The following SGCZ variants were observed in gnomAD, a reference collection of about 807,000 sequenced individuals.
SGCZ encodes sarcoglycan zeta, also known as zeta-sarcoglycan.
In SGCZ, 40 loss-of-function variants were observed where a neutral mutation model predicts 41.3. The observed-to-expected ratio is 0.97, with a 90% confidence interval of 0.75 to 1.26. SGCZ has a LOEUF of 1.26. Among genes scored for constraint, SGCZ ranks in the 50% most tolerant of loss-of-function variants. The pLI, the probability that SGCZ is intolerant of heterozygous loss-of-function variation, is 0.00. For synonymous variants in SGCZ, 206 were observed against 137.5 expected (o/e 1.50, Z -3.49); for missense variants, 552 against 369.8 (o/e 1.49, Z -4.04).
At chr8:14,947,290 C>A (rs1192847319) in intron 1 of SGCZ, among the ~76,000 whole-genome samples, 3 of 152,152 alleles carry the variant, frequency 2.0e-5, no homozygotes, top group African/African-American at 7.2e-5. Flanking sequence ...TGAGGTAAAT[C>A]TCTGGATTTG....
chr8:14,627,273 T>C (rs896969106), intron 1 of SGCZ, among the ~76,000 whole-genome samples: 1 of 152,062 alleles, frequency 6.6e-6, no homozygotes, highest in Non-Finnish European at 1.5e-5. Flanking sequence ...CTTCTGTGGG[T>C]AAAATAACAA....
At chr8:14,760,263 C>G (rs1235904392) in intron 1 of SGCZ, among the ~76,000 whole-genome samples, 1 of 152,140 alleles carries the variant, frequency 6.6e-6, no homozygotes, top group Non-Finnish European at 1.5e-5. Context: ...TTAACAACCA[C>G]TAAGTAAATG....
chr8:15,197,450 A>T (rs1800765608), intron 1 of SGCZ, among the ~76,000 whole-genome samples: 1 of 152,226 alleles, frequency 6.6e-6, no homozygotes, highest in South Asian at 2.1e-4. Context: ...AATTCAAAGC[A>T]TAATATCATG....
In SGCZ at chr8:15,200,032, T is replaced by G. The variant is rs117238169; in HGVS notation, c.39+37553A>C. Among the ~76,000 whole-genome samples, 1,139 of 152,326 alleles carry G rather than the reference T, an allele frequency of 7.5e-3. 11 individuals carry two copies. The highest frequency in any genetic ancestry group is 0.015 in the Admixed American group (230 of 15,294). On this transcript the variant is annotated intron_variant, in intron 1 of 7. Coordinates refer to ENST00000382080, the MANE Select transcript of SGCZ (RefSeq NM_139167.4). ...TCTATACTTTCTTGTTTCTTGGTTT[T>G]AAAGGACCAAAGTTAGGTATACGAA...
chr8:14,661,751 G>A (rs190704270), intron 1 of SGCZ, among the ~76,000 whole-genome samples: 1 of 151,964 alleles, frequency 6.6e-6, no homozygotes, highest in Admixed American at 6.6e-5. Flanking sequence ...AACAATGAAT[G>A]GGAGAAGAAA....
At chr8:14,225,928 T>A (rs938546101) in intron 4 of SGCZ, among the ~76,000 whole-genome samples, 5 of 152,038 alleles carry the variant, frequency 3.3e-5, no homozygotes, top group Admixed American at 3.3e-4. Flanking sequence ...CTGAAAGAAA[T>A]AAAGTTACAC....
At chr8:14,702,938 T>C (rs1563213296) in intron 1 of SGCZ, among the ~76,000 whole-genome samples, 1 of 120,520 alleles carries the variant, frequency 8.3e-6, no homozygotes, top group South Asian at 2.9e-4. Context: ...GATAGATAGA[T>C]AGATAGATAG....
chr8:14,322,928 A>G (rs975146366), intron 3 of SGCZ, among the ~76,000 whole-genome samples: 2 of 152,144 alleles, frequency 1.3e-5, no homozygotes, highest in Non-Finnish European at 2.9e-5. Flanking sequence ...AAAATAAAGC[A>G]AAAGAACTAA....
Position 14,702,457 on chromosome 8 carries a change from T to G in SGCZ, c.40-147531A>C, listed in dbSNP as rs1015626379. Among the ~76,000 whole-genome samples the G allele has an allele frequency of 9.2e-5, 14 of 151,860 alleles. No homozygotes were observed. The Admixed American group carries it at 9.2e-4, about 10-fold the overall frequency. ...TACGACTAAATAGGAAACACATCCC[T>G]CCAGCCAAAGCTCTGCACCCCTCTA... On this transcript the variant is annotated intron_variant, in intron 1 of 7. Coordinates refer to ENST00000382080, the MANE Select transcript of SGCZ (RefSeq NM_139167.4).
At chr8:14,790,348 G>A (rs1235102961) in intron 1 of SGCZ, among the ~76,000 whole-genome samples, 1 of 152,082 alleles carries the variant, frequency 6.6e-6, no homozygotes, top group Non-Finnish European at 1.5e-5. Flanking sequence ...AATAATGACA[G>A]CAATAATCTT....
In SGCZ at chr8:15,223,211, C is replaced by T. The variant is rs115573136; in HGVS notation, c.39+14374G>A. Among the ~76,000 whole-genome samples the T allele has an allele frequency of 1.3e-3, 194 of 152,120 alleles. 1 individual carries two copies. Among genetic ancestry groups the T allele is most frequent in the African/African-American group, 4.0e-3 (166 of 41,506 alleles). ...TTTCTGAAACCCAACACCAAAGATA[C>T]GGAAAATAAAAAGAAATTTCTCCCT... On this transcript the variant is annotated intron_variant, in intron 1 of 7. Coordinates refer to ENST00000382080, the MANE Select transcript of SGCZ (RefSeq NM_139167.4).
chr8:14,587,218 A>C (rs1805087929), intron 1 of SGCZ, among the ~76,000 whole-genome samples: 1 of 152,042 alleles, frequency 6.6e-6, no homozygotes, highest in Non-Finnish European at 1.5e-5. Flanking sequence ...AATGATAATA[A>C]AGTTTCAACC....
chr8:14,258,432 C>T (rs555024215), intron 3 of SGCZ, among the ~76,000 whole-genome samples: 5 of 152,132 alleles, frequency 3.3e-5, no homozygotes, highest in Non-Finnish European at 7.3e-5. Flanking sequence ...CAAAATCATA[C>T]TGCAAAAGAT....
At chr8:15,030,836 G>A (rs1372543755) in intron 1 of SGCZ, among the ~76,000 whole-genome samples, 1 of 152,042 alleles carries the variant, frequency 6.6e-6, no homozygotes, top group Non-Finnish European at 1.5e-5. Flanking sequence ...CCAGAAGAAG[G>A]GCTATTTGAG....
intron 1 of SGCZ, among the ~76,000 whole-genome samples, chr8:14,800,599 G>A (rs1250536513): frequency 2.6e-5 from 4 of 152,052 alleles, no homozygotes; most frequent in Non-Finnish European, 5.9e-5. Flanking sequence ...AGAGTTCCCA[G>A]GAGATCTGGT....
chr8:15,018,811 T>G (rs1803139654), intron 1 of SGCZ, among the ~76,000 whole-genome samples: 1 of 152,208 alleles, frequency 6.6e-6, no homozygotes, highest in Non-Finnish European at 1.5e-5. Flanking sequence ...AGAAGTTTAA[T>G]TGGCTCATGC....
chr8:14,912,369 T>C (rs963715216), intron 1 of SGCZ, among the ~76,000 whole-genome samples: 3 of 152,012 alleles, frequency 2.0e-5, no homozygotes, highest in Admixed American at 2.0e-4. Context: ...ACACAATTTA[T>C]AAAATGTCTC....
intron 4 of SGCZ, among the ~76,000 whole-genome samples, chr8:14,201,944 T>C (rs1218888752): frequency 6.6e-6 from 1 of 152,182 alleles, no homozygotes; most frequent in African/African-American, 2.4e-5. Context: ...TATGAAAATA[T>C]ATGTAAGACT....
At chr8:14,942,819 T>A (rs1800321651) in intron 1 of SGCZ, among the ~76,000 whole-genome samples, 1 of 152,158 alleles carries the variant, frequency 6.6e-6, no homozygotes, top group Non-Finnish European at 1.5e-5. Flanking sequence ...TAGGCATTTA[T>A]CTTACAACTT....
Sources: allele counts gnomAD v4.1 joint callset (sites outside exome capture counted in the v4.1 genomes callset), GRCh38; gene constraint gnomAD v4.1.1; transcripts MANE v1.5; gene names NCBI Gene and HGNC (gene_info 2026-07-23, HGNC 2026-07-21).